ZNF138: variants seen among roughly 807,000 people sequenced by gnomAD.
The protein encoded by ZNF138 is zinc finger protein 138.
Under a neutral mutation model 33.0 loss-of-function variants are expected in ZNF138, and 33 were observed. The ratio of observed to expected loss-of-function variants is 1.00; its 90% CI spans 0.76 to 1.34. The LOEUF is 1.34. ZNF138 is among the 40% of genes most tolerant of loss of function. The pLI is 0.00. For missense variants in ZNF138, 360 were observed against 370.8 expected, an observed-to-expected ratio of 0.97 and a Z score of 0.24; for synonymous variants, 139 against 120.4, an observed-to-expected ratio of 1.15 and a Z score of -1.01.
At chr7:64,815,092 A>ATTTT in intron 2 of ZNF138, 48 bp downstream of exon 2, 14 of 1,221,904 alleles carry the variant, frequency 1.1e-5, no homozygotes, top group South Asian at 2.1e-5. Flanking sequence ...TAAAGGTTTC[A>ATTTT]TTTTTTTTTT....
At chr7:64,799,036 T>A (rs536939958) in intron 1 of ZNF138, among the ~76,000 whole-genome samples, 1 of 152,184 alleles carries the variant, frequency 6.6e-6, no homozygotes, top group Non-Finnish European at 1.5e-5. Flanking sequence ...TCAGGCTCTT[T>A]GTTGGTTTCA....
At position 64,831,540 on chromosome 7, in the gene ZNF138, T is replaced by C. The variant is rs879557065; in HGVS notation, c.298T>C (p.Tyr100His). The C allele has an allele frequency of 6.2e-7, 1 of 1,613,264 alleles. No homozygotes were observed. The highest frequency in any genetic ancestry group is 8.5e-7 in the Non-Finnish European group (1 of 1,179,728). Residue 100 changes from tyrosine to histidine, a missense_variant, in exon 4 of 4, where the codon TAT (tyrosine) becomes CAT (histidine). Physicochemically the swap from Tyr to His is moderately conservative, Grantham distance 83 (BLOSUM62 2). Coordinates refer to ENST00000307355, the MANE Select transcript of ZNF138 (RefSeq NM_001271639.2). Reference protein sequence around the residue: ...QKVTLSRYGKYGHKNLQLRKG... With the variant: ...QKVTLSRYGKHGHKNLQLRKG... Reference sequence around the variant, plus strand: ...AGTGACACTGAGCAGATATGGAAAATATGGACATAAGAATTTACAGTTAAG... The same window carrying C: ...AGTGACACTGAGCAGATATGGAAAACATGGACATAAGAATTTACAGTTAAG...
intron 3 of ZNF138, among the ~76,000 whole-genome samples, chr7:64,825,639 A>C (rs1407981732): frequency 6.6e-6 from 1 of 150,412 alleles, no homozygotes; most frequent in Non-Finnish European, 1.5e-5. Flanking sequence ...TCCCGGGTTC[A>C]AGCGATTCCC....
the ZNF138 span, among the ~76,000 whole-genome samples, chr7:64,839,594 A>C: frequency 6.6e-6 from 1 of 151,340 alleles, no homozygotes; most frequent in South Asian, 2.1e-4. Flanking sequence ...AGGAATGGAC[A>C]AAAGGAAAAA....
chr7:64,832,450 A>G lies in ZNF138; in HGVS notation c.*248A>G. ...GAATGTGGAAAAGCTTTTCACCGAT[A>G]CTCAATCCTTAGTACACATAAGAAA... On this transcript the variant is annotated 3_prime_UTR_variant, in exon 4 of 4. Coordinates refer to ENST00000307355, the MANE Select transcript of ZNF138 (RefSeq NM_001271639.2). 2 of 1,400,292 alleles carry G rather than the reference A, an allele frequency of 1.4e-6. No individual in the cohort carries two copies. The highest frequency in any genetic ancestry group is 1.9e-6 in the Non-Finnish European group (2 of 1,057,860). 86.7% of individuals were successfully genotyped at this position (1,400,292 alleles called of 1,614,324 possible).
In ZNF138 at chr7:64,833,133, CA is replaced by C. The variant is rs1190468607; in HGVS notation, c.*932del. 2.3e-5 allele frequency: 6 copies of C among 255,742 alleles called. No individual in the cohort carries two copies. In the East Asian group the frequency reaches 5.6e-4, roughly 24 times the overall value. The allele number at this position is 255,742 out of a possible 1,614,324, so 15.8% of individuals were successfully genotyped here. On this transcript the variant is annotated 3_prime_UTR_variant, in exon 4 of 4. Coordinates refer to ENST00000307355, the MANE Select transcript of ZNF138 (RefSeq NM_001271639.2). Reference sequence around the variant, plus strand: ...AACTTACAATCCTCAAAACTTCTTACACCTAAAATTCATGCAGGAGAGAAAC... The same window carrying C: ...AACTTACAATCCTCAAAACTTCTTACCCTAAAATTCATGCAGGAGAGAAAC...
chr7:64,836,094 G>A (rs1790357641), downstream of ZNF138: 2 of 152,132 alleles, frequency 1.3e-5, no homozygotes. Context: ...TAAGCATCCT[G>A]GTCTGGTTAC....
rs182278177 is a variant in ZNF138 at position 64,825,798 on chromosome 7, A to G, written c.209-5653A>G. ...GTGATCTGCCCACCTTGGCCTCCCA[A>G]AATGTTGGGATTACAGGCATGAGCC... On this transcript the variant is annotated intron_variant, in intron 3 of 3. Coordinates refer to ENST00000307355, the MANE Select transcript of ZNF138 (RefSeq NM_001271639.2). 1.5e-3 allele frequency among the ~76,000 whole-genome samples: 232 copies of G among 152,172 alleles called. 1 individual carries two copies. The highest frequency in any genetic ancestry group is 5.4e-3 in the African/African-American group (224 of 41,514).
rs1480851892 is a variant in ZNF138 at position 64,794,544 on chromosome 7, G to T, written c.-25G>T. ...TTATTGGGAGATTCACAGCTAAGAC[G>T]CCAGGATCCCCCGGAAGCCTAGAAA... On this transcript the variant is annotated 5_prime_UTR_variant, in exon 1 of 4. Transcript: ENST00000307355. The T allele has an allele frequency of 1.2e-6, 2 of 1,613,012 alleles. No homozygotes were observed. The highest frequency in any genetic ancestry group is 1.7e-5 in the Admixed American group (1 of 59,972).
At chr7:64,841,068 CT>C in the ZNF138 span, among the ~76,000 whole-genome samples, 21 of 152,086 alleles carry the variant, frequency 1.4e-4, no homozygotes, top group African/African-American at 5.1e-4. Flanking sequence ...TGAAAAATTT[CT>C]GTTTTTCCTT....
At chr7:64,824,159 G>T (rs4327748) in intron 3 of ZNF138, among the ~76,000 whole-genome samples, 150,049 of 152,250 alleles carry the variant, frequency 0.99, 73,978 homozygotes, top group East Asian at 1. Context: ...GGAAGTGTTT[G>T]GGTCATGGGG....
chr7:64,824,530 T>C (rs1458035596), intron 3 of ZNF138, among the ~76,000 whole-genome samples: 1 of 152,234 alleles, frequency 6.6e-6, no homozygotes, highest in Non-Finnish European at 1.5e-5. Context: ...CTGAACTTTC[T>C]ATTTATTATT....
the ZNF138 span, among the ~76,000 whole-genome samples, chr7:64,855,293 C>T: frequency 1.3e-5 from 2 of 152,130 alleles, no homozygotes; most frequent in Non-Finnish European, 2.9e-5. Context: ...CTCCCAAAGG[C>T]TATTAGTAAA....
At chr7:64,804,877 A>G (rs1470401001) in intron 1 of ZNF138, among the ~76,000 whole-genome samples, 1 of 152,174 alleles carries the variant, frequency 6.6e-6, no homozygotes, top group Non-Finnish European at 1.5e-5. Flanking sequence ...TGGAAGAGAA[A>G]CCTATTAAAT....
chr7:64,858,373 A>G, the ZNF138 span, among the ~76,000 whole-genome samples: 21 of 152,210 alleles, frequency 1.4e-4, no homozygotes, highest in Admixed American at 2.0e-4. Flanking sequence ...TGCAGATAGA[A>G]GATGAAAGAA....
rs560086166 is a variant in ZNF138 at position 64,820,982 on chromosome 7, T to C, written c.208+5329T>C. Among the ~76,000 whole-genome samples, 15 of 151,712 alleles carry C rather than the reference T, an allele frequency of 9.9e-5. 2 individuals carry two copies. The highest frequency in any genetic ancestry group is 3.4e-4 in the African/African-American group (14 of 41,046). On this transcript the variant is annotated intron_variant, in intron 3 of 3. Coordinates refer to ENST00000307355, the MANE Select transcript of ZNF138 (RefSeq NM_001271639.2). ...ATTTTTATTGCATTATCAACAGATT[T>C]GGTGTTTTTAAAAAAAATTGATGAT...
At position 64,832,181 on chromosome 7, in the gene ZNF138, C is replaced by T. The variant is rs775505417; in HGVS notation, c.939C>T (p.Gly313=). The T allele has an allele frequency of 1.2e-6, 2 of 1,608,270 alleles. No individual in the cohort carries two copies. Among genetic ancestry groups the T allele is most frequent in the Non-Finnish European group, 1.7e-6 (2 of 1,178,364 alleles). ...GEEPYKCEEC[G]KAFNLS ...AACCATACAAATGTGAGGAATGTGG[C>T]AAAGCTTTTAACCTATCTTAACAAC... Residue 313 remains glycine (G), a synonymous_variant, in exon 4 of 4, where the codon GGC becomes GGT. Transcript: ENST00000307355.
At chr7:64,849,112 C>T in the ZNF138 span, among the ~76,000 whole-genome samples, 1 of 152,190 alleles carries the variant, frequency 6.6e-6, no homozygotes, top group Non-Finnish European at 1.5e-5. Context: ...GTCAACACTA[C>T]TGTTCAGATT....
At chr7:64,853,323 C>T in the ZNF138 span, 2 of 1,606,804 alleles carry the variant, frequency 1.2e-6, no homozygotes, top group Non-Finnish European at 1.7e-6. Context: ...CAATTCGTAA[C>T]TTTCCGGGTT....
Sources: gnomAD v4.1 joint callset for allele counts (sites outside exome capture counted in the v4.1 genomes callset) on GRCh38, gnomAD v4.1.1 for gene constraint, MANE v1.5 for transcripts, NCBI Gene and HGNC (gene_info 2026-07-23, HGNC 2026-07-21) for gene names.